Variants in GRID1 observed in about 807,000 individuals in gnomAD.
GRID1 encodes the protein glutamate receptor ionotropic, delta-1.
In GRID1, 28 loss-of-function variants were observed where a neutral mutation model predicts 98.0. The observed-to-expected ratio is 0.29, with a 90% CI of 0.21 to 0.39. GRID1 has a LOEUF of 0.39. Ranked by LOEUF, GRID1 falls within the 10% of genes least tolerant of loss-of-function variation. The probability of loss-of-function intolerance (pLI) is 1.00; values close to 1 mark genes in which losing one functional copy is unlikely to be tolerated. For synonymous variants in GRID1, 553 were observed against 538.5 expected (o/e 1.03, Z -0.37); for missense variants, 1,111 against 1,340.5 (o/e 0.83, Z 2.67).
chr10:86,119,357 A>G (rs1015241693), intron 4 of GRID1, among the ~76,000 whole-genome samples: 20 of 152,082 alleles, frequency 1.3e-4, no homozygotes, highest in African/African-American at 3.9e-4. Flanking sequence ...ACAAACAAAA[A>G]CTAAGAAAAC....
At chr10:86,331,407 C>T (rs1355432399) in intron 2 of GRID1, among the ~76,000 whole-genome samples, 1 of 152,232 alleles carries the variant, frequency 6.6e-6, no homozygotes, top group Admixed American at 6.5e-5. Context: ...TGAGCAGCTC[C>T]GTGTGCAGCC....
chr10:86,059,176 G>T (rs935814190), intron 4 of GRID1, among the ~76,000 whole-genome samples: 1 of 152,340 alleles, frequency 6.6e-6, no homozygotes, highest in Middle Eastern at 3.4e-3. Flanking sequence ...GGCAGGCAAA[G>T]GGAGCAGGTG....
At chr10:86,168,705 C>A (rs1845436766) in intron 3 of GRID1, among the ~76,000 whole-genome samples, 1 of 152,210 alleles carries the variant, frequency 6.6e-6, no homozygotes, top group Admixed American at 6.5e-5. Flanking sequence ...TCAGGCTTTG[C>A]ACACAGAGAC....
Position 85,883,982 on chromosome 10 carries a change from G to A in GRID1, c.781-14802C>T, listed in dbSNP as rs970226373. On this transcript the variant is annotated intron_variant, in intron 5 of 15. Coordinates refer to ENST00000327946, the MANE Select transcript of GRID1 (RefSeq NM_017551.3). The stretch of plus-strand genomic sequence containing the variant: ...TCTCATCAGGCTCCACATTTGTTTA[G>A]TTCTTAGACTTTATCTCATACGTCC... Among the ~76,000 whole-genome samples the A allele has an allele frequency of 7.2e-5, 11 of 152,226 alleles. No homozygotes were observed. The East Asian group carries it at 2.1e-3, about 29-fold the overall frequency.
At chr10:85,967,427 A>T (rs1372094843) in intron 4 of GRID1, among the ~76,000 whole-genome samples, 1 of 152,234 alleles carries the variant, frequency 6.6e-6, no homozygotes, top group South Asian at 2.1e-4. Context: ...TATTATCTAA[A>T]GTGTTCAGTT....
intron 4 of GRID1, among the ~76,000 whole-genome samples, chr10:85,926,517 A>G (rs925970055): frequency 4.6e-5 from 7 of 152,124 alleles, no homozygotes; most frequent in African/African-American, 1.7e-4. Context: ...GTTTTTCCCC[A>G]AAGCTCTTGG....
At chr10:86,121,338 C>T (rs1844662584) in intron 4 of GRID1, among the ~76,000 whole-genome samples, 1 of 151,642 alleles carries the variant, frequency 6.6e-6, no homozygotes, top group Non-Finnish European at 1.5e-5. Context: ...CCATCATCAC[C>T]ATCACTACCA....
chr10:86,287,676 T>A (rs955054164), intron 2 of GRID1, among the ~76,000 whole-genome samples: 8 of 152,090 alleles, frequency 5.3e-5, no homozygotes, highest in Non-Finnish European at 1.2e-4. Flanking sequence ...TGACCGCGTA[T>A]CCTCGTTTGC....
intron 4 of GRID1, among the ~76,000 whole-genome samples, chr10:85,988,974 G>T (rs931667095): frequency 1.3e-5 from 2 of 152,194 alleles, no homozygotes; most frequent in African/African-American, 4.8e-5. Flanking sequence ...CAGGTCACAG[G>T]GAGCAGGAGG....
chr10:85,883,816 A>G (rs1235812032), intron 5 of GRID1, among the ~76,000 whole-genome samples: 3 of 152,184 alleles, frequency 2.0e-5, no homozygotes, highest in Non-Finnish European at 4.4e-5. Context: ...CATGGGAGTT[A>G]TCAGTTCTGA....
intron 2 of GRID1, among the ~76,000 whole-genome samples, chr10:86,210,246 G>A (rs1003243356): frequency 2.6e-5 from 4 of 152,148 alleles, no homozygotes; most frequent in Admixed American, 6.5e-5. Flanking sequence ...ACATATAGCC[G>A]GGCTGAACCC....
intron 4 of GRID1, among the ~76,000 whole-genome samples, chr10:86,030,949 C>T (rs1216868245): frequency 6.6e-6 from 1 of 152,124 alleles, no homozygotes; most frequent in Non-Finnish European, 1.5e-5. Flanking sequence ...AAGGAGCAAA[C>T]AAGATGGTGC....
intron 2 of GRID1, among the ~76,000 whole-genome samples, chr10:86,262,132 A>G (rs1297920481): frequency 6.6e-6 from 1 of 152,216 alleles, no homozygotes; most frequent in Non-Finnish European, 1.5e-5. Context: ...GTCACCTTCT[A>G]GAAGGAGGAG....
At chr10:86,319,719 T>C (rs1429156196) in intron 2 of GRID1, among the ~76,000 whole-genome samples, 2 of 152,238 alleles carry the variant, frequency 1.3e-5, no homozygotes, top group African/African-American at 4.8e-5. Flanking sequence ...TCCTGGTGTC[T>C]GCAGAAGTTG....
intron 2 of GRID1, among the ~76,000 whole-genome samples, chr10:86,278,766 G>T (rs1434197578): frequency 1.3e-5 from 2 of 152,120 alleles, no homozygotes; most frequent in African/African-American, 4.8e-5. Context: ...TGAAGGAAAT[G>T]GAATTTGAAG....
chr10:85,608,343 C>T (rs1842695970), intron 15 of GRID1, among the ~76,000 whole-genome samples: 1 of 152,186 alleles, frequency 6.6e-6, no homozygotes, highest in Non-Finnish European at 1.5e-5. Flanking sequence ...GGAAACAGGG[C>T]CCAAGCATCT....
intron 4 of GRID1, among the ~76,000 whole-genome samples, chr10:85,920,436 T>A (rs1450189600): frequency 6.6e-6 from 1 of 152,134 alleles, no homozygotes; most frequent in Non-Finnish European, 1.5e-5. Flanking sequence ...ACGTGCATAA[T>A]CCCTCATTCC....
rs571994342 is a variant in GRID1 at position 86,321,460 on chromosome 10, G to T, written c.235+42481C>A. Among the ~76,000 whole-genome samples the T allele has an allele frequency of 2.0e-5, 3 of 152,290 alleles. No individual in the cohort carries two copies. In the East Asian group the frequency reaches 5.8e-4, roughly 29 times the overall value. On this transcript the variant is annotated intron_variant, in intron 2 of 15. Coordinates refer to ENST00000327946, the MANE Select transcript of GRID1 (RefSeq NM_017551.3). ...ACCAGAATGGGGTTCTTTCCTGCAG[G>T]AGCTGGATTTTTTAAAAAAGAAGAA... is the stretch of plus-strand genomic sequence containing the variant.
chr10:86,056,096 G>GGGCTGTGACCAGAGCA (rs1843568637), intron 4 of GRID1, among the ~76,000 whole-genome samples: 1 of 152,266 alleles, frequency 6.6e-6, no homozygotes, highest in Non-Finnish European at 1.5e-5. Context: ...CCCAGCCTCA[G>GGGCTGTGACCAGAGCA]GGCTGTGACC....
Sources: gnomAD v4.1 joint callset for allele counts (sites outside exome capture counted in the v4.1 genomes callset) on GRCh38, gnomAD v4.1.1 for gene constraint, MANE v1.5 for transcripts, NCBI Gene and HGNC (gene_info 2026-07-23, HGNC 2026-07-21) for gene names.